The following COL22A1 variants were observed in gnomAD, a reference collection of about 807,000 sequenced individuals.
COL22A1 encodes collagen alpha-1(XXII) chain.
A neutral mutation model predicts 248.9 loss-of-function variants in COL22A1; 221 were observed. The ratio of observed to expected loss-of-function variants is 0.89; its 90% CI spans 0.80 to 0.99. The LOEUF (loss-of-function observed/expected upper bound fraction) is 0.99, where lower values mean the gene tolerates loss of function less well. Ranked by LOEUF, COL22A1 falls within the 50% of genes least tolerant of loss-of-function variation. COL22A1 has a pLI of 0.00. For synonymous variants in COL22A1, 891 were observed against 793.4 expected (o/e 1.12, Z -2.07); for missense variants, 2,240 against 2,179.0 (o/e 1.03, Z -0.56).
intron 11 of COL22A1, among the ~76,000 whole-genome samples, chr8:138,800,241 T>A (rs1213784126): frequency 6.6e-6 from 1 of 152,132 alleles, no homozygotes; most frequent in Non-Finnish European, 1.5e-5. Context: ...AAAGGGTTGA[T>A]CAGAATCCCA....
intron 27 of COL22A1, among the ~76,000 whole-genome samples, chr8:138,717,140 A>AT (rs575444175): frequency 5.3e-5 from 8 of 151,438 alleles, no homozygotes; most frequent in South Asian, 2.1e-4. Context: ...TTATTTTTTA[A>AT]TTTTTTTTTA....
intron 47 of COL22A1, among the ~76,000 whole-genome samples, chr8:138,640,269 T>A (rs568660012): frequency 6.6e-6 from 1 of 152,222 alleles, no homozygotes; most frequent in African/African-American, 2.4e-5. Context: ...AAGCACATGA[T>A]AAAACAATCA....
At chr8:138,871,029 T>A (rs1185226785) in intron 3 of COL22A1, among the ~76,000 whole-genome samples, 1 of 151,908 alleles carries the variant, frequency 6.6e-6, no homozygotes, top group East Asian at 1.9e-4. Context: ...GAGTGTGGCC[T>A]GGAAGGCATG....
At chr8:138,656,083 A>C in intron 44 of COL22A1, 139 bp from the exon 45 acceptor site, 1 of 691,804 alleles carries the variant, frequency 1.4e-6, no homozygotes, top group African/African-American at 1.8e-5. Context: ...CGGACAGCCC[A>C]GTGGATGTCC....
chr8:138,777,852 G>A (rs1243786969), intron 15 of COL22A1: 4 of 169,148 alleles, frequency 2.4e-5, no homozygotes. Flanking sequence ...TCTTTATAGA[G>A]AATCGAGAAT....
At chr8:138,807,151 C>A (rs1356718786) in intron 10 of COL22A1, among the ~76,000 whole-genome samples, 1 of 151,942 alleles carries the variant, frequency 6.6e-6, no homozygotes, top group Non-Finnish European at 1.5e-5. Flanking sequence ...GAGGCAAAGG[C>A]TAGGGAGAGA....
chr8:138,833,623 T>C (rs1281920809), intron 4 of COL22A1, among the ~76,000 whole-genome samples: 1 of 152,262 alleles, frequency 6.6e-6, no homozygotes. Context: ...TCCTGATTTT[T>C]AAAGAGAGAA....
intron 30 of COL22A1, among the ~76,000 whole-genome samples, chr8:138,715,280 G>A (rs779092107): frequency 1.5e-4 from 23 of 152,096 alleles, no homozygotes; most frequent in African/African-American, 5.1e-4. Context: ...AGTACAGGCC[G>A]GGCATGGTGT....
chr8:138,594,022 G>A lies in COL22A1; in HGVS notation c.4610C>T (p.Pro1537Leu). 6.4e-7 allele frequency: 1 copy of A among 1,566,530 alleles called. No homozygotes were observed. Among genetic ancestry groups the A allele is most frequent in the South Asian group, 1.2e-5 (1 of 84,888 alleles). The change falls in exon 63 of 65, where the codon CCC (proline) becomes CTC (leucine). Residue 1537 changes from proline (P) to leucine (L), a missense_variant. Transcript: ENST00000303045. Reference sequence around the variant, plus strand: ...TCCTCCAGGTCTTCACTCACCTTTGGGACCTATGGGTCCAGAGGGTCCTTC... The same window carrying A: ...TCCTCCAGGTCTTCACTCACCTTTGAGACCTATGGGTCCAGAGGGTCCTTC... ...GLEGPSGPIGPKGERGAKGDP... is the reference protein window; with the variant it reads ...GLEGPSGPIGLKGERGAKGDP...
intron 49 of COL22A1, 149 bp from the exon 50 acceptor site, chr8:138,630,897 G>A: frequency 1.4e-6 from 1 of 726,346 alleles, no homozygotes; most frequent in Non-Finnish European, 2.4e-6. Context: ...TATTGTAGGT[G>A]GGCCCTGGTG....
intron 4 of COL22A1, among the ~76,000 whole-genome samples, chr8:138,839,125 T>G (rs1563830210): frequency 6.6e-6 from 1 of 152,218 alleles, no homozygotes; most frequent in Non-Finnish European, 1.5e-5. Context: ...TTAAAATGCC[T>G]GCTGCTTTTG....
In COL22A1 at chr8:138,602,138, C is replaced by T. The variant is rs150463972; in HGVS notation, c.4162G>A (p.Glu1388Lys). The T allele has an allele frequency of 2.5e-5, 41 of 1,614,062 alleles. No individual in the cohort carries two copies. The African/African-American group carries it at 5.3e-4, about 21-fold the overall frequency. The change falls in exon 60 of 65, where the codon GAG becomes AAG. Residue 1388 changes from glutamate to lysine, a missense_variant. Glu to Lys is a moderately conservative substitution (Grantham distance 56). Coordinates refer to ENST00000303045, the MANE Select transcript of COL22A1 (RefSeq NM_152888.3). Reference protein sequence around the residue: ...GKEGVPGKPGEPGFKGERGDP... With the variant: ...GKEGVPGKPGKPGFKGERGDP... ...ACCCTTTCTCCTTTGAATCCAGGCT[C>T]TCCAGGCTTCCCAGGGACCCCCTGC...
intron 57 of COL22A1, among the ~76,000 whole-genome samples, chr8:138,606,751 C>G (rs1442992724): frequency 6.6e-6 from 1 of 152,174 alleles, no homozygotes; most frequent in African/African-American, 2.4e-5. Context: ...ATGTGTGGAG[C>G]TCTCCAAGGA....
At chr8:138,741,815 A>T (rs1831582596) in intron 22 of COL22A1, among the ~76,000 whole-genome samples, 1 of 152,208 alleles carries the variant, frequency 6.6e-6, no homozygotes. Context: ...CAATGGTAGC[A>T]GTTGGTGATT....
intron 22 of COL22A1, among the ~76,000 whole-genome samples, chr8:138,741,579 T>C (rs923050193): frequency 6.6e-6 from 1 of 152,158 alleles, no homozygotes. Context: ...CAATAAAGCA[T>C]CCCTCAACTG....
At chr8:138,850,124 T>C (rs1476246086) in intron 3 of COL22A1, among the ~76,000 whole-genome samples, 1 of 152,056 alleles carries the variant, frequency 6.6e-6, no homozygotes, top group Non-Finnish European at 1.5e-5. Context: ...AGACATTGGG[T>C]TCTTATGCCC....
chr8:138,686,348 G>T (rs1414933757), intron 37 of COL22A1, among the ~76,000 whole-genome samples: 1 of 152,192 alleles, frequency 6.6e-6, no homozygotes, highest in African/African-American at 2.4e-5. Flanking sequence ...GTGGAACACT[G>T]GGTTGAGCCC....
At chr8:138,668,403 C>T (rs1824696287) in intron 41 of COL22A1, among the ~76,000 whole-genome samples, 1 of 152,102 alleles carries the variant, frequency 6.6e-6, no homozygotes, top group Non-Finnish European at 1.5e-5. Context: ...TATACACACA[C>T]ACACACACAT....
intron 58 of COL22A1, among the ~76,000 whole-genome samples, chr8:138,605,229 T>C (rs1200405046): frequency 6.6e-6 from 1 of 152,328 alleles, no homozygotes; most frequent in South Asian, 2.1e-4. Flanking sequence ...AGTGTCTTCA[T>C]CTGTAAAATG....
Sources: allele counts gnomAD v4.1 joint callset (sites outside exome capture counted in the v4.1 genomes callset), GRCh38; gene constraint gnomAD v4.1.1; transcripts MANE v1.5; gene names NCBI Gene and HGNC (gene_info 2026-07-23, HGNC 2026-07-21).